XKR9: variants seen among roughly 807,000 people sequenced by gnomAD.
XKR9 encodes the protein XK-related protein 9.
In XKR9, 32 loss-of-function variants were observed where a neutral mutation model predicts 32.0. The ratio of observed to expected loss-of-function variants is 1.00; its 90% confidence interval spans 0.76 to 1.34. The LOEUF is 1.34. Ranked by LOEUF, XKR9 falls within the 40% of genes most tolerant of loss-of-function variation. The pLI is 0.00. For missense variants in XKR9, 546 were observed against 429.7 expected, an observed-to-expected ratio of 1.27 and a Z score of -2.39; for synonymous variants, 168 against 143.4, an observed-to-expected ratio of 1.17 and a Z score of -1.22.
At chr8:70,752,921 C>G (rs1373077496) in intron 2 of XKR9, among the ~76,000 whole-genome samples, 1 of 152,050 alleles carries the variant, frequency 6.6e-6, no homozygotes, top group Non-Finnish European at 1.5e-5. Context: ...AAAATCAGAC[C>G]AGAACTGAAG....
At chr8:70,728,013 A>C (rs1806532878) in intron 4 of XKR9, among the ~76,000 whole-genome samples, 1 of 152,166 alleles carries the variant, frequency 6.6e-6, no homozygotes, top group Non-Finnish European at 1.5e-5. Flanking sequence ...CTAATTTGTT[A>C]GTCCTACAAA....
At chr8:70,871,934 A>C in the XKR9 span, among the ~76,000 whole-genome samples, 1 of 152,108 alleles carries the variant, frequency 6.6e-6, no homozygotes, top group East Asian at 1.9e-4. Flanking sequence ...TTCCAAGATA[A>C]ATTTACAACT....
At chr8:70,689,113 A>C (rs149501071) in intron 3 of XKR9, among the ~76,000 whole-genome samples, 207 of 152,310 alleles carry the variant, frequency 1.4e-3, no homozygotes, top group African/African-American at 4.7e-3. Flanking sequence ...TTATAACAGA[A>C]AAAGGGCTAG....
chr8:71,008,208 T>A, the XKR9 span, among the ~76,000 whole-genome samples: 1 of 152,156 alleles, frequency 6.6e-6, no homozygotes, highest in African/African-American at 2.4e-5. Context: ...TCACCAAACA[T>A]GTCCTGATGG....
chr8:71,024,907 C>T, the XKR9 span, among the ~76,000 whole-genome samples: 5 of 152,156 alleles, frequency 3.3e-5, no homozygotes, highest in African/African-American at 1.2e-4. Context: ...ATTTTGGTTT[C>T]TGTTTGTGGA....
Position 70,776,947 on chromosome 8 carries a change from C to CTCTCTATA in XKR9, n.353-12391_353-12390insCTCTATAT. ...TTTCTCTCTCTCTCTCTCTCTCTCT[C>CTCTCTATA]TATATATATATATATATGTATGTAT... is the stretch of plus-strand genomic sequence containing the variant. On this transcript the variant is annotated intron_variant and non_coding_transcript_variant, in intron 2 of 3. Transcript: ENST00000520273. Among the ~76,000 whole-genome samples, 59 of 54,206 alleles carry CTCTCTATA rather than the reference C, an allele frequency of 1.1e-3. 1 individual carries two copies. In the East Asian group the frequency reaches 0.018, roughly 16 times the overall value. 35.6% of individuals were successfully genotyped at this position (54,206 alleles called of 152,430 possible).
chr8:70,917,326 T>C, the XKR9 span, among the ~76,000 whole-genome samples: 4 of 152,218 alleles, frequency 2.6e-5, no homozygotes, highest in African/African-American at 9.6e-5. Context: ...TATTTGAAAT[T>C]ATCTTATTTG....
chr8:70,851,256 C>A, the XKR9 span, among the ~76,000 whole-genome samples: 3 of 152,178 alleles, frequency 2.0e-5, no homozygotes, highest in South Asian at 6.2e-4. Flanking sequence ...AGGAGAATTA[C>A]AAACCACTTG....
chr8:70,730,196 C>A lies in XKR9; in HGVS notation c.494-3600C>A, dbSNP rs200219934. 1.4e-4 allele frequency among the ~76,000 whole-genome samples: 21 copies of A among 152,208 alleles called. No individual in the cohort carries two copies. The East Asian group carries it at 2.7e-3, about 20-fold the overall frequency. On this transcript the variant is annotated intron_variant, in intron 4 of 4. Coordinates refer to ENST00000408926, the MANE Select transcript of XKR9 (RefSeq NM_001011720.2). ...CCATTTACCCAAAGGGGCAAAAAAA[C>A]CCCTTTCATTATCTTTTAATATTAC...
chr8:70,747,918 C>G (rs986060381), intron 2 of XKR9, among the ~76,000 whole-genome samples: 1 of 151,910 alleles, frequency 6.6e-6, no homozygotes, highest in Non-Finnish European at 1.5e-5. Flanking sequence ...TCTTCATGGA[C>G]TATTGTGAAA....
chr8:70,858,009 A>G, the XKR9 span, among the ~76,000 whole-genome samples: 1 of 152,330 alleles, frequency 6.6e-6, no homozygotes, highest in South Asian at 2.1e-4. Flanking sequence ...AGCCAATAGC[A>G]TACTGAATGG....
At chr8:70,694,508 C>T (rs1805192741) in intron 3 of XKR9, among the ~76,000 whole-genome samples, 1 of 152,194 alleles carries the variant, frequency 6.6e-6, no homozygotes, top group Non-Finnish European at 1.5e-5. Flanking sequence ...GATCAGGTAC[C>T]TGCTTAAAGC....
the XKR9 span, among the ~76,000 whole-genome samples, chr8:70,820,159 T>G: frequency 4.6e-5 from 7 of 152,244 alleles, no homozygotes; most frequent in Non-Finnish European, 1.0e-4. Flanking sequence ...TTCCTATACC[T>G]AGAGAAAAAG....
rs1011969398 is a variant in XKR9 at position 70,735,565 on chromosome 8, A to T, written c.*1141A>T. 6.7e-6 allele frequency: 1 copy of T among 149,840 alleles called. No individual in the cohort carries two copies. Among genetic ancestry groups the T allele is most frequent in the Non-Finnish European group, 1.5e-5 (1 of 67,496 alleles). The allele number at this position is 149,840 out of a possible 1,614,324, so 9.3% of individuals were successfully genotyped here. A position where few individuals can be genotyped will look rare whatever the true frequency, so the allele number is the denominator to read the frequency against. On this transcript the variant is annotated 3_prime_UTR_variant, in exon 5 of 5. Coordinates refer to ENST00000408926, the MANE Select transcript of XKR9 (RefSeq NM_001011720.2). ...GCCATGCTGGTGTGCTGCACCCATT[A>T]ACTCGTCATTTATCATTAGGTATAT...
chr8:70,809,285 C>T, the XKR9 span, among the ~76,000 whole-genome samples: 7 of 152,130 alleles, frequency 4.6e-5, no homozygotes, highest in South Asian at 2.1e-4. Flanking sequence ...CACACCAAAA[C>T]CTCATCCGTA....
At chr8:70,685,471 TG>T (rs1045024372) in intron 3 of XKR9, among the ~76,000 whole-genome samples, 2 of 140,730 alleles carry the variant, frequency 1.4e-5, no homozygotes, top group Non-Finnish European at 3.1e-5. Context: ...ATTGCACACA[TG>T]TACCGTAAAA....
chr8:70,843,619 A>G, the XKR9 span, among the ~76,000 whole-genome samples: 2 of 152,174 alleles, frequency 1.3e-5, no homozygotes, highest in East Asian at 3.8e-4. Flanking sequence ...AGCAAAGCAA[A>G]GATTGGATGG....
the XKR9 span, among the ~76,000 whole-genome samples, chr8:70,844,250 A>G: frequency 6.6e-6 from 1 of 152,202 alleles, no homozygotes; most frequent in Non-Finnish European, 1.5e-5. Flanking sequence ...CATGCCACTG[A>G]CAGTGACCCT....
At chr8:70,739,104 A>T (rs577743683), downstream of XKR9, among the ~76,000 whole-genome samples, 1 of 152,016 alleles carries the variant, frequency 6.6e-6, no homozygotes, top group African/African-American at 2.4e-5. Context: ...TGGGAATCTA[A>T]GTCTGTTTGT....
Sources: gnomAD v4.1 joint callset for allele counts (sites outside exome capture counted in the v4.1 genomes callset) on GRCh38, gnomAD v4.1.1 for gene constraint, MANE v1.5 for transcripts, NCBI Gene and HGNC (gene_info 2026-07-23, HGNC 2026-07-21) for gene names.